Variants in GSK3B observed in about 807,000 individuals in gnomAD.
The protein encoded by GSK3B is glycogen synthase kinase 3 beta, also known as glycogen synthase kinase-3 beta.
GSK3B carries 15 observed loss-of-function variants against 56.4 expected under a neutral mutation model. The observed-to-expected ratio is 0.27, with a 90% confidence interval of 0.18 to 0.41. The LOEUF (loss-of-function observed/expected upper bound fraction) is 0.41, where lower values mean the gene tolerates loss of function less well. Ranked by LOEUF, GSK3B falls within the 10% of genes least tolerant of loss-of-function variation. The pLI is 1.00. For synonymous variants in GSK3B, 181 were observed against 188.9 expected (o/e 0.96, Z 0.34); for missense variants, 300 against 513.4 (o/e 0.58, Z 4.02).
intron 2 of GSK3B, among the ~76,000 whole-genome samples, chr3:119,953,364 G>C (rs1468579146): frequency 6.6e-6 from 1 of 152,146 alleles, no homozygotes; most frequent in Non-Finnish European, 1.5e-5. Flanking sequence ...TACATAAAAT[G>C]TGAAAGAGCT....
At chr3:119,975,979 T>C (rs566829758) in intron 2 of GSK3B, among the ~76,000 whole-genome samples, 9 of 152,142 alleles carry the variant, frequency 5.9e-5, no homozygotes, top group South Asian at 4.2e-4. Flanking sequence ...TGAAAAGATA[T>C]AGAACAGCAG....
chr3:119,930,551 T>G (rs1358592729), intron 3 of GSK3B, among the ~76,000 whole-genome samples: 2 of 152,112 alleles, frequency 1.3e-5, no homozygotes, highest in African/African-American at 2.4e-5. Context: ...GAATAAAAAT[T>G]TAAAGAACTT....
intron 3 of GSK3B, among the ~76,000 whole-genome samples, chr3:119,936,346 A>C (rs2056994341): frequency 9.6e-6 from 1 of 104,314 alleles, no homozygotes. Flanking sequence ...AAATATATAT[A>C]TATATATATT....
intron 1 of GSK3B, among the ~76,000 whole-genome samples, chr3:120,087,446 C>T (rs1446294186): frequency 3.3e-5 from 5 of 152,018 alleles, no homozygotes; most frequent in African/African-American, 1.2e-4. Flanking sequence ...GCAGGAAAAT[C>T]GCTTGAACCT....
At chr3:120,068,188 C>T (rs764439583) in intron 1 of GSK3B, among the ~76,000 whole-genome samples, 1 of 150,830 alleles carries the variant, frequency 6.6e-6, no homozygotes, top group African/African-American at 2.4e-5. Flanking sequence ...GTCAGGTGTT[C>T]GAGACCAGCC....
chr3:119,866,805 G>A (rs1305700073), intron 8 of GSK3B, among the ~76,000 whole-genome samples: 3 of 152,078 alleles, frequency 2.0e-5, no homozygotes, highest in African/African-American at 7.2e-5. Context: ...GCAAGTCCAA[G>A]TTTTAAAAAT....
chr3:119,980,624 C>T (rs1343505891), intron 2 of GSK3B, among the ~76,000 whole-genome samples: 1 of 152,122 alleles, frequency 6.6e-6, no homozygotes, highest in Non-Finnish European at 1.5e-5. Flanking sequence ...AAAGTGCTGG[C>T]ATTACAGGCG....
intron 9 of GSK3B, among the ~76,000 whole-genome samples, chr3:119,845,122 T>TA (rs2055837596): frequency 6.6e-6 from 1 of 152,162 alleles, no homozygotes; most frequent in African/African-American, 2.4e-5. Context: ...CCCTTCATGC[T>TA]AAAAACACTC....
intron 1 of GSK3B, among the ~76,000 whole-genome samples, chr3:120,025,329 C>A (rs1291818080): frequency 6.6e-6 from 1 of 151,960 alleles, no homozygotes; most frequent in Non-Finnish European, 1.5e-5. Flanking sequence ...TGTTTTTTAG[C>A]CTACAACAGT....
chr3:119,922,208 G>GGGAAGGAAGGAAGGAGGGAGGGAA (rs1559837825), intron 4 of GSK3B, among the ~76,000 whole-genome samples: 1 of 99,308 alleles, frequency 1.0e-5, no homozygotes, highest in African/African-American at 4.5e-5. Context: ...TAGGGAAGGA[G>GGGAAGGAAGGAAGGAGGGAGGGAA]GGAAGGAAGG....
intron 3 of GSK3B, among the ~76,000 whole-genome samples, chr3:119,924,993 T>G (rs1037063339): frequency 6.6e-6 from 1 of 152,190 alleles, no homozygotes; most frequent in Admixed American, 6.5e-5. Context: ...CAAAGAAACC[T>G]CTAATTATGC....
At position 119,993,150 on chromosome 3, in the gene GSK3B, A is replaced by G. The variant is rs989334630; in HGVS notation, c.282+8896T>C. On this transcript the variant is annotated intron_variant, in intron 2 of 10. Transcript: ENST00000264235. ...GCTACCTCCTGTGTAAGGAAGAAAA[A>G]AAAAAAAAGAAAATGCACAAACGAG... Among the ~76,000 whole-genome samples, 28 of 151,922 alleles carry G rather than the reference A, an allele frequency of 1.8e-4. 1 individual carries two copies. The highest frequency in any genetic ancestry group is 6.0e-4 in the African/African-American group (25 of 41,386).
At chr3:120,028,315 G>A (rs1411093353) in intron 1 of GSK3B, among the ~76,000 whole-genome samples, 1 of 152,172 alleles carries the variant, frequency 6.6e-6, no homozygotes, top group African/African-American at 2.4e-5. Context: ...AGGCCAGCCT[G>A]GAGCCTCATC....
chr3:119,981,049 C>A (rs930342632), intron 2 of GSK3B, among the ~76,000 whole-genome samples: 2 of 152,294 alleles, frequency 1.3e-5, no homozygotes, highest in Non-Finnish European at 2.9e-5. Flanking sequence ...CACTGTAACT[C>A]TTAGCTGGAC....
At chr3:119,883,685 A>G (rs1347988183) in intron 7 of GSK3B, among the ~76,000 whole-genome samples, 2 of 152,182 alleles carry the variant, frequency 1.3e-5, no homozygotes, top group African/African-American at 4.8e-5. Flanking sequence ...ATTTTTAAAC[A>G]TGAGAAAAAC....
At position 120,043,221 on chromosome 3, in the gene GSK3B, T is replaced by C. The variant is rs566981942; in HGVS notation, c.89-40982A>G. ...CGCAGTCCAGACAGCAAAAAAAGGA[T>C]GGACCCATCACACCCGAGTCAAGAA... On this transcript the variant is annotated intron_variant, in intron 1 of 10. Transcript: ENST00000264235. Among the ~76,000 whole-genome samples, 1,013 of 152,212 alleles carry C rather than the reference T, an allele frequency of 6.7e-3. 8 individuals are homozygous for C. The highest frequency in any genetic ancestry group is 8.3e-3 in the Non-Finnish European group (563 of 68,012).
At chr3:120,008,368 C>T (rs1254043126) in intron 1 of GSK3B, among the ~76,000 whole-genome samples, 3 of 152,188 alleles carry the variant, frequency 2.0e-5, no homozygotes, top group African/African-American at 7.2e-5. Context: ...CTTTAAATTT[C>T]ATATGGAAAC....
rs2056193207 is a variant in GSK3B at position 119,867,079 on chromosome 3, A to G, written c.910-3474T>C. On this transcript the variant is annotated intron_variant, in intron 8 of 10. Coordinates refer to ENST00000264235, the MANE Select transcript of GSK3B (RefSeq NM_001146156.2). The stretch of plus-strand genomic sequence containing the variant: ...CTGCTTTTAAAGTTTCAAGTTCCCA[A>G]TATGCTACTTTTTTCTCTATTAATG... Among the ~76,000 whole-genome samples the G allele has an allele frequency of 2.0e-5, 3 of 152,190 alleles. 1 individual carries two copies. Among genetic ancestry groups the G allele is most frequent in the Admixed American group, 2.0e-4 (3 of 15,274 alleles).
intron 2 of GSK3B, among the ~76,000 whole-genome samples, chr3:119,950,567 C>A (rs2057147674): frequency 1.3e-5 from 2 of 152,106 alleles, no homozygotes; most frequent in Admixed American, 6.5e-5. Context: ...GTGAAAAAAA[C>A]TGACTAGATT....
Sources: gnomAD v4.1 joint callset for allele counts (sites outside exome capture counted in the v4.1 genomes callset) on GRCh38, gnomAD v4.1.1 for gene constraint, MANE v1.5 for transcripts, NCBI Gene and HGNC (gene_info 2026-07-23, HGNC 2026-07-21) for gene names.